OR10J1: variants seen among roughly 807,000 people sequenced by gnomAD.
The protein encoded by OR10J1 is olfactory receptor family 10 subfamily J member 1, also known as olfactory receptor 10J1.
For synonymous variants in OR10J1, 202 were observed against 143.8 expected (o/e 1.40, Z -2.89); for missense variants, 474 against 376.6 (o/e 1.26, Z -2.14).
the OR10J1 span, among the ~76,000 whole-genome samples, chr1:159,414,006 A>G: frequency 6.6e-6 from 1 of 151,888 alleles, no homozygotes; most frequent in South Asian, 2.1e-4. Context: ...ACATGTGAGT[A>G]TTTGTTACAT....
At chr1:159,404,740 C>G in the OR10J1 span, among the ~76,000 whole-genome samples, 2 of 152,104 alleles carry the variant, frequency 1.3e-5, no homozygotes, top group African/African-American at 2.4e-5. Context: ...AGATCCAAAT[C>G]CTATCACTAC....
chr1:159,401,068 C>G, the OR10J1 span, among the ~76,000 whole-genome samples: 1 of 150,556 alleles, frequency 6.6e-6, no homozygotes, highest in Non-Finnish European at 1.5e-5. Flanking sequence ...ATAATGGAAC[C>G]ACAACATACC....
At chr1:159,419,116 A>G in the OR10J1 span, among the ~76,000 whole-genome samples, 1 of 152,208 alleles carries the variant, frequency 6.6e-6, no homozygotes, top group Non-Finnish European at 1.5e-5. Flanking sequence ...CTTGGCTCAG[A>G]TGAGATTTTA....
chr1:159,413,301 A>G, the OR10J1 span, among the ~76,000 whole-genome samples: 1 of 152,174 alleles, frequency 6.6e-6, no homozygotes, highest in South Asian at 2.1e-4. Flanking sequence ...GGGATCTAGA[A>G]CTAGAAATAC....
chr1:159,422,784 C>A, the OR10J1 span, among the ~76,000 whole-genome samples: 1 of 152,152 alleles, frequency 6.6e-6, no homozygotes, highest in Non-Finnish European at 1.5e-5. Context: ...GAGCTCCTTT[C>A]CTATGGCTAG....
chr1:159,433,811 C>G (rs1655658742), upstream of OR10J1, among the ~76,000 whole-genome samples: 1 of 152,176 alleles, frequency 6.6e-6, no homozygotes, highest in South Asian at 2.1e-4. Flanking sequence ...TCAGACTTCA[C>G]TGCGAGTGCT....
chr1:159,400,309 C>A, the OR10J1 span, among the ~76,000 whole-genome samples: 2 of 151,792 alleles, frequency 1.3e-5, no homozygotes, highest in Non-Finnish European at 1.5e-5. Flanking sequence ...AAAACAAGAT[C>A]CATTGATCTT....
At chr1:159,428,938 C>A in the OR10J1 span, among the ~76,000 whole-genome samples, 2 of 152,192 alleles carry the variant, frequency 1.3e-5, no homozygotes, top group Non-Finnish European at 2.9e-5. Context: ...AAACTGGGCA[C>A]CAGAACTAGG....
At chr1:159,402,459 C>A in the OR10J1 span, among the ~76,000 whole-genome samples, 2 of 151,872 alleles carry the variant, frequency 1.3e-5, no homozygotes, top group Non-Finnish European at 2.9e-5. Context: ...TTTCTATATG[C>A]CAACAGTCAA....
At chr1:159,432,591 C>T in the OR10J1 span, 1 of 471,420 alleles carries the variant, frequency 2.1e-6, no homozygotes, top group Non-Finnish European at 3.9e-6. Flanking sequence ...CATCTGCAAC[C>T]CTCTACAGTA....
At chr1:159,416,241 G>A in the OR10J1 span, among the ~76,000 whole-genome samples, 7 of 152,102 alleles carry the variant, frequency 4.6e-5, no homozygotes, top group Admixed American at 2.6e-4. Flanking sequence ...GTGAAAGGGA[G>A]AATCCTTGTC....
At chr1:159,416,735 G>C in the OR10J1 span, among the ~76,000 whole-genome samples, 3 of 151,930 alleles carry the variant, frequency 2.0e-5, no homozygotes, top group Non-Finnish European at 4.4e-5. Context: ...TAGGAGGCCT[G>C]TTATTGTTGA....
chr1:159,415,199 T>A, the OR10J1 span, among the ~76,000 whole-genome samples: 1 of 152,148 alleles, frequency 6.6e-6, no homozygotes, highest in Non-Finnish European at 1.5e-5. Flanking sequence ...TTTCATAGTT[T>A]TGGGTCTTAC....
At chr1:159,434,191 G>A (rs1340584284), upstream of OR10J1, among the ~76,000 whole-genome samples, 1 of 152,112 alleles carries the variant, frequency 6.6e-6, no homozygotes, top group African/African-American at 2.4e-5. Context: ...GGCAGAATCA[G>A]GATTTAAACA....
At chr1:159,402,494 A>T in the OR10J1 span, among the ~76,000 whole-genome samples, 10 of 151,658 alleles carry the variant, frequency 6.6e-5, no homozygotes, top group East Asian at 9.8e-4. Context: ...AATTTTTTAA[A>T]AAAAATCCCA....
the OR10J1 span, among the ~76,000 whole-genome samples, chr1:159,411,984 C>G: frequency 6.6e-6 from 1 of 152,106 alleles, no homozygotes; most frequent in East Asian, 1.9e-4. Flanking sequence ...GCAACTTCAG[C>G]AAATACTCAG....
upstream of OR10J1, among the ~76,000 whole-genome samples, chr1:159,436,839 A>C (rs1655750810): frequency 6.6e-6 from 1 of 152,114 alleles, no homozygotes; most frequent in Admixed American, 6.6e-5. Context: ...ATTTTTCATA[A>C]TCAACCTGAG....
the OR10J1 span, among the ~76,000 whole-genome samples, chr1:159,404,840 T>C: frequency 1.3e-5 from 2 of 152,164 alleles, no homozygotes; most frequent in Non-Finnish European, 2.9e-5. Flanking sequence ...ATAACATAAT[T>C]GTTTCCCAGC....
chr1:159,440,097 C>CT lies in OR10J1; in HGVS notation c.312dup (p.Val105CysfsTer7). On this transcript the variant is annotated frameshift_variant, in exon 1 of 1. Transcript: ENST00000423932. LOFTEE classifies it low-confidence loss of function (END_TRUNC). ...TGGCAGGGTGTGCCACACAGATGTT[C>CT]TTTTTTGTAACCTTTGGCATCACTA... is the stretch of plus-strand genomic sequence containing the variant. The CT allele has an allele frequency of 6.2e-7, 1 of 1,614,106 alleles. No individual in the cohort carries two copies. The highest frequency in any genetic ancestry group is 8.5e-7 in the Non-Finnish European group (1 of 1,180,008).
Sources: gnomAD v4.1 joint callset for allele counts (sites outside exome capture counted in the v4.1 genomes callset) on GRCh38, gnomAD v4.1.1 for gene constraint, MANE v1.5 for transcripts, NCBI Gene and HGNC (gene_info 2026-07-23, HGNC 2026-07-21) for gene names.